SPIN1: variants seen among roughly 807,000 people sequenced by gnomAD.
SPIN1 encodes the protein spindlin-1.
In SPIN1, 3 loss-of-function variants were observed where a neutral mutation model predicts 26.0. The ratio of observed to expected loss-of-function variants is 0.12; its 90% CI spans 0.05 to 0.30. SPIN1 has a LOEUF of 0.30. SPIN1 is among the 10% of genes least tolerant of loss of function. The pLI is 1.00. For missense variants in SPIN1, 126 were observed against 333.4 expected, an observed-to-expected ratio of 0.38 and a Z score of 4.84; for synonymous variants, 101 against 116.5, an observed-to-expected ratio of 0.87 and a Z score of 0.86.
chr9:88,421,720 A>T (rs1015253962), intron 1 of SPIN1, among the ~76,000 whole-genome samples: 1 of 148,244 alleles, frequency 6.7e-6, no homozygotes. Flanking sequence ...TTCTTTTTTG[A>T]CACTGACTTT....
chr9:88,413,404 A>G (rs900898737), intron 1 of SPIN1, among the ~76,000 whole-genome samples: 38 of 142,386 alleles, frequency 2.7e-4, no homozygotes, highest in Non-Finnish European at 4.3e-4. Context: ...TTTTATTTTT[A>G]AGGCAGTCTC....
In SPIN1 at chr9:88,460,419, T is replaced by C. The variant is rs527816813; in HGVS notation, c.102-2077T>C. ...TAGCGATCTCATTTCTCATCTTTTC[T>C]GTTCCTGATACATGTTCTTACGTTA... On this transcript the variant is annotated intron_variant, in intron 3 of 5. Coordinates refer to ENST00000375859, the MANE Select transcript of SPIN1 (RefSeq NM_006717.3). Among the ~76,000 whole-genome samples the C allele has an allele frequency of 5.3e-5, 8 of 152,342 alleles. No individual in the cohort carries two copies. In the South Asian group the frequency reaches 1.7e-3, roughly 32 times the overall value.
chr9:88,465,993 G>A (rs1221590793), intron 4 of SPIN1, among the ~76,000 whole-genome samples: 2 of 152,122 alleles, frequency 1.3e-5, no homozygotes, highest in East Asian at 3.9e-4. Context: ...CACTCTTAAT[G>A]TATTTTGATA....
At chr9:88,397,954 T>TC (rs1317361987) in intron 1 of SPIN1, among the ~76,000 whole-genome samples, 2 of 151,624 alleles carry the variant, frequency 1.3e-5, no homozygotes, top group African/African-American at 4.8e-5. Flanking sequence ...GAGGTCTCAC[T>TC]CCAGTTGCCT....
At chr9:88,410,708 A>G in intron 1 of SPIN1, 1 of 1,426,710 alleles carries the variant, frequency 7.0e-7, no homozygotes, top group South Asian at 1.1e-5. Context: ...TAATTGCCAA[A>G]ATCATTGTAG....
chr9:88,389,061 G>C (rs76106374), intron 1 of SPIN1, among the ~76,000 whole-genome samples: 14,227 of 151,972 alleles, frequency 0.094, 887 homozygotes, highest in South Asian at 0.19. Flanking sequence ...CCCCGGGGAC[G>C]CGGGCCTGCC....
chr9:88,453,110 C>T (rs1006753764), intron 3 of SPIN1, among the ~76,000 whole-genome samples: 2 of 151,964 alleles, frequency 1.3e-5, no homozygotes, highest in Non-Finnish European at 2.9e-5. Context: ...GGTCGTTTTC[C>T]TTTCCTTTCC....
chr9:88,425,716 T>C (rs76565555), intron 1 of SPIN1, among the ~76,000 whole-genome samples: 6,708 of 152,098 alleles, frequency 0.044, 481 homozygotes, highest in African/African-American at 0.15. Flanking sequence ...AAAATGACTT[T>C]GGCATTTGCA....
intron 4 of SPIN1, among the ~76,000 whole-genome samples, chr9:88,463,943 T>G (rs890910651): frequency 6.6e-6 from 1 of 152,182 alleles, no homozygotes; most frequent in Non-Finnish European, 1.5e-5. Flanking sequence ...CAGCAGAATT[T>G]TAGTCTCTGC....
intron 1 of SPIN1, among the ~76,000 whole-genome samples, chr9:88,417,617 C>T (rs1827593903): frequency 6.6e-6 from 1 of 152,040 alleles, no homozygotes; most frequent in Admixed American, 6.6e-5. Context: ...GGACTACAGG[C>T]ACGTGCCACC....
intron 2 of SPIN1, among the ~76,000 whole-genome samples, chr9:88,447,500 G>T (rs994931048): frequency 2.0e-5 from 3 of 152,088 alleles, no homozygotes; most frequent in African/African-American, 7.3e-5. Flanking sequence ...CACGTGCTGA[G>T]CTTTTGTTCC....
chr9:88,410,190 C>CG (rs1564025104), intron 1 of SPIN1, among the ~76,000 whole-genome samples: 7 of 103,672 alleles, frequency 6.8e-5, no homozygotes, highest in African/African-American at 4.1e-4. Flanking sequence ...TGTGTGTGTG[C>CG]AACTTTTTTT....
intron 3 of SPIN1, chr9:88,458,064 A>G (rs1269084571): frequency 1.2e-6 from 1 of 840,994 alleles, no homozygotes; most frequent in African/African-American, 1.8e-5. Flanking sequence ...TTAATCACAG[A>G]TTTTAATAGA....
intron 2 of SPIN1, among the ~76,000 whole-genome samples, chr9:88,444,974 G>A (rs1479119182): frequency 6.6e-6 from 1 of 152,158 alleles, no homozygotes; most frequent in East Asian, 1.9e-4. Context: ...GATTACAGGC[G>A]TGAGCCACGC....
At chr9:88,443,134 A>C (rs1002757349) in intron 2 of SPIN1, among the ~76,000 whole-genome samples, 5 of 147,422 alleles carry the variant, frequency 3.4e-5, no homozygotes, top group African/African-American at 1.1e-4. Context: ...AAAAAAAAAA[A>C]CAAAAAAAAA....
intron 1 of SPIN1, among the ~76,000 whole-genome samples, chr9:88,423,858 T>G (rs915285304): frequency 6.6e-6 from 1 of 152,006 alleles, no homozygotes; most frequent in African/African-American, 2.4e-5. Context: ...CTCTGCCTCC[T>G]GGGTTCAAGT....
Position 88,419,474 on chromosome 9 carries a change from C to T in SPIN1, c.-158-6908C>T, listed in dbSNP as rs553791607. ...CTCACCACTGCTCCATCTGTGAGGG[C>T]GCACCCTTCTATAGAAGTAAATTGC... On this transcript the variant is annotated intron_variant, in intron 1 of 5. Transcript: ENST00000375859. Among the ~76,000 whole-genome samples the T allele has an allele frequency of 3.3e-5, 5 of 151,986 alleles. No individual in the cohort carries two copies. In the East Asian group the frequency reaches 5.8e-4, roughly 18 times the overall value.
chr9:88,450,302 A>G (rs1828331048), intron 3 of SPIN1, among the ~76,000 whole-genome samples: 1 of 152,236 alleles, frequency 6.6e-6, no homozygotes, highest in African/African-American at 2.4e-5. Flanking sequence ...GACAAAGGCA[A>G]GTTAAACCTT....
intron 5 of SPIN1, among the ~76,000 whole-genome samples, chr9:88,474,094 A>T (rs1828844959): frequency 6.6e-6 from 1 of 152,246 alleles, no homozygotes; most frequent in Non-Finnish European, 1.5e-5. Context: ...GGTCTACACC[A>T]GGATACCTGT....
Sources: allele counts gnomAD v4.1 joint callset (sites outside exome capture counted in the v4.1 genomes callset), GRCh38; gene constraint gnomAD v4.1.1; transcripts MANE v1.5; gene names NCBI Gene and HGNC (gene_info 2026-07-23, HGNC 2026-07-21).